ZNF385D: variants seen among roughly 807,000 people sequenced by gnomAD.
ZNF385D encodes the protein zinc finger protein 659.
ZNF385D carries 15 observed loss-of-function variants against 35.8 expected under a neutral mutation model. That is an observed-to-expected ratio of 0.42 (90% CI 0.28 to 0.64). The LOEUF (loss-of-function observed/expected upper bound fraction) is 0.64, where lower values mean the gene tolerates loss of function less well. ZNF385D is among the 30% of genes least tolerant of loss of function. ZNF385D has a pLI of 0.23. For missense variants in ZNF385D, 474 were observed against 494.6 expected, an observed-to-expected ratio of 0.96 and a Z score of 0.39; for synonymous variants, 212 against 186.8, an observed-to-expected ratio of 1.13 and a Z score of -1.10.
chr3:22,283,697 T>G (rs1426712318), intron 2 of ZNF385D, among the ~76,000 whole-genome samples: 1 of 152,096 alleles, frequency 6.6e-6, no homozygotes, highest in Non-Finnish European at 1.5e-5. Context: ...CAGAAGGTGG[T>G]TGTGAGAAGA....
chr3:22,117,407 G>T lies in ZNF385D; in HGVS notation c.325+51410C>A, dbSNP rs76129325. Among the ~76,000 whole-genome samples the T allele has an allele frequency of 6.6e-5, 10 of 152,064 alleles. No individual in the cohort carries two copies. In the East Asian group the frequency reaches 1.9e-3, roughly 29 times the overall value. On this transcript the variant is annotated intron_variant, in intron 3 of 5. Transcript: ENST00000494108. ...AGTTGTGAGCTAACTAAATTATGGG[G>T]AATGGTTACACGACTTATGATTTTG...
chr3:21,852,064 C>G (rs1696417686), intron 3 of ZNF385D, among the ~76,000 whole-genome samples: 1 of 151,936 alleles, frequency 6.6e-6, no homozygotes, highest in African/African-American at 2.4e-5. Context: ...AATGTCTAGA[C>G]TCTGTTTGGT....
chr3:22,249,702 C>A (rs1263694762), intron 2 of ZNF385D, among the ~76,000 whole-genome samples: 1 of 152,142 alleles, frequency 6.6e-6, no homozygotes, highest in Non-Finnish European at 1.5e-5. Context: ...TTTTGACAAA[C>A]CCTTTCAAAG....
At chr3:21,711,097 A>T (rs979940435) in intron 1 of ZNF385D, among the ~76,000 whole-genome samples, 2 of 120,452 alleles carry the variant, frequency 1.7e-5, no homozygotes, top group Non-Finnish European at 3.2e-5. Flanking sequence ...GATGGAGTGC[A>T]GTGGCGTGAT....
At chr3:21,728,070 C>T (rs940151357) in intron 1 of ZNF385D, among the ~76,000 whole-genome samples, 5 of 151,886 alleles carry the variant, frequency 3.3e-5, no homozygotes, top group South Asian at 2.1e-4. Flanking sequence ...CTCACTCATA[C>T]GTGGGAGTTG....
At chr3:21,885,877 A>G (rs1170501537) in intron 3 of ZNF385D, among the ~76,000 whole-genome samples, 2 of 152,012 alleles carry the variant, frequency 1.3e-5, no homozygotes, top group South Asian at 4.2e-4. Context: ...ATAGTCCAAA[A>G]TAATTCCTCC....
intron 3 of ZNF385D, among the ~76,000 whole-genome samples, chr3:22,004,364 G>T (rs990782792): frequency 7.1e-6 from 1 of 139,874 alleles, no homozygotes; most frequent in African/African-American, 2.5e-5. Flanking sequence ...GCAGGACATT[G>T]GTCTAAACAA....
chr3:21,577,685 CTTA>C (rs1217419161), intron 2 of ZNF385D, among the ~76,000 whole-genome samples: 1 of 151,918 alleles, frequency 6.6e-6, no homozygotes, highest in East Asian at 1.9e-4. Context: ...TATTTTTTGT[CTTA>C]TTATCATAGC....
chr3:22,123,962 C>CTATATATATATA (rs71044974), intron 3 of ZNF385D, among the ~76,000 whole-genome samples: 8 of 61,844 alleles, frequency 1.3e-4, no homozygotes, highest in African/African-American at 2.4e-4. Flanking sequence ...CTCTCTCTCT[C>CTATATATATATA]TATATATATA....
chr3:22,171,917 G>A (rs113679291), intron 2 of ZNF385D, among the ~76,000 whole-genome samples: 3,868 of 150,194 alleles, frequency 0.026, 178 homozygotes, highest in African/African-American at 0.09. Flanking sequence ...AGATTTTGCA[G>A]GAAAACTGCA....
At chr3:22,265,041 C>T (rs1700827174) in intron 2 of ZNF385D, among the ~76,000 whole-genome samples, 1 of 152,002 alleles carries the variant, frequency 6.6e-6, no homozygotes, top group Admixed American at 6.6e-5. Flanking sequence ...TATTATTGAA[C>T]ACCTTCTATG....
rs1051301814 is a variant in ZNF385D, at chr3:21,417,857, A to G, written c.*3357T>C. ...TCTCTGATGATAATGGCAGTGAATT[A>G]CTGCGATAGATCAGGAGAAGCCAAA... On this transcript the variant is annotated 3_prime_UTR_variant, in exon 8 of 8. Coordinates refer to ENST00000281523, the MANE Select transcript of ZNF385D (RefSeq NM_024697.3). 2.0e-5 allele frequency: 3 copies of G among 152,192 alleles called. No individual in the cohort carries two copies. The highest frequency in any genetic ancestry group is 7.2e-5 in the African/African-American group (3 of 41,452). 9.4% of individuals were successfully genotyped at this position (152,192 alleles called of 1,614,324 possible).
At chr3:22,271,219 G>T (rs992157737) in intron 2 of ZNF385D, among the ~76,000 whole-genome samples, 1 of 151,062 alleles carries the variant, frequency 6.6e-6, no homozygotes, top group African/African-American at 2.4e-5. Flanking sequence ...ATAGTCAGGA[G>T]ACAGCAATAA....
At chr3:21,833,578 T>G (rs1297095762) in intron 3 of ZNF385D, among the ~76,000 whole-genome samples, 2 of 152,170 alleles carry the variant, frequency 1.3e-5, no homozygotes, top group Non-Finnish European at 2.9e-5. Context: ...CACCGCTTGA[T>G]TTTGGACTTC....
At chr3:22,249,404 A>G (rs1699955508) in intron 2 of ZNF385D, among the ~76,000 whole-genome samples, 1 of 152,162 alleles carries the variant, frequency 6.6e-6, no homozygotes, top group African/African-American at 2.4e-5. Context: ...AAATGTCATA[A>G]TACTCAATAG....
chr3:21,602,517 CTTTTTTTTTTTTTTT>C (rs746138066), intron 2 of ZNF385D, among the ~76,000 whole-genome samples: 2 of 62,710 alleles, frequency 3.2e-5, no homozygotes, highest in Non-Finnish European at 5.9e-5. Flanking sequence ...CCTGCATTTT[CTTTTTTTTTTTTTTT>C]TTTTTTTTTT....
chr3:21,743,643 C>A (rs1238717364), intron 1 of ZNF385D, among the ~76,000 whole-genome samples: 2 of 152,202 alleles, frequency 1.3e-5, no homozygotes, highest in Non-Finnish European at 2.9e-5. Context: ...TATAAGGACA[C>A]TAATCCCATC....
At chr3:21,975,271 C>A (rs1010839776) in intron 3 of ZNF385D, among the ~76,000 whole-genome samples, 3 of 152,094 alleles carry the variant, frequency 2.0e-5, no homozygotes, top group African/African-American at 4.8e-5. Flanking sequence ...ATGGATGGAA[C>A]TGGAAGATAT....
At chr3:21,810,470 T>A (rs570434694) in intron 3 of ZNF385D, among the ~76,000 whole-genome samples, 12 of 152,162 alleles carry the variant, frequency 7.9e-5, no homozygotes, top group Non-Finnish European at 1.8e-4. Flanking sequence ...CATGTATACA[T>A]ATGTATCAAA....
Sources: gnomAD v4.1 joint callset for allele counts (sites outside exome capture counted in the v4.1 genomes callset) on GRCh38, gnomAD v4.1.1 for gene constraint, MANE v1.5 for transcripts, NCBI Gene and HGNC (gene_info 2026-07-23, HGNC 2026-07-21) for gene names.